GSR: variants seen among roughly 807,000 people sequenced by gnomAD.
The protein encoded by GSR is glutathione-disulfide reductase.
A neutral mutation model predicts 56.5 loss-of-function variants in GSR; 48 were observed. That is an observed-to-expected ratio of 0.85 (90% CI 0.67 to 1.08). The LOEUF is 1.08. Among genes scored for constraint, GSR ranks in the 50% least tolerant of loss-of-function variants. The pLI, the probability that GSR is intolerant of heterozygous loss-of-function variation, is 0.00. For missense variants in GSR, 694 were observed against 703.3 expected (o/e 0.99, Z 0.15); for synonymous variants, 264 against 270.8 (o/e 0.97, Z 0.25).
intron 8 of GSR, among the ~76,000 whole-genome samples, chr8:30,692,060 A>C (rs998106216): frequency 6.6e-6 from 1 of 151,402 alleles, no homozygotes; most frequent in Non-Finnish European, 1.5e-5. Context: ...CTGAGATTGC[A>C]CCAATGCACT....
At chr8:30,693,811 G>A (rs1005269936) in intron 7 of GSR, among the ~76,000 whole-genome samples, 2 of 152,278 alleles carry the variant, frequency 1.3e-5, no homozygotes, top group African/African-American at 4.8e-5. Flanking sequence ...TTATAGGTGT[G>A]AGCCACCATG....
intron 1 of GSR, among the ~76,000 whole-genome samples, chr8:30,717,847 T>G (rs1302043024): frequency 6.6e-6 from 1 of 152,096 alleles, no homozygotes; most frequent in African/African-American, 2.4e-5. Context: ...AAGCCTGTAA[T>G]TGCAGCACTT....
chr8:30,714,857 T>C (rs1036658828), intron 1 of GSR, among the ~76,000 whole-genome samples: 2 of 152,202 alleles, frequency 1.3e-5, no homozygotes, highest in African/African-American at 2.4e-5. Flanking sequence ...GAAAACAGTT[T>C]AATGATCACT....
chr8:30,699,348 T>C (rs999350974), intron 6 of GSR, among the ~76,000 whole-genome samples: 3 of 151,594 alleles, frequency 2.0e-5, no homozygotes, highest in African/African-American at 7.3e-5. Context: ...GTGGCTCACA[T>C]CTGTAATTCC....
chr8:30,700,724 A>AAAAAAAAAAAAAAAAAAAC (rs1803707353), intron 5 of GSR, among the ~76,000 whole-genome samples: 1 of 17,244 alleles, frequency 5.8e-5, no homozygotes, highest in Non-Finnish European at 1.2e-4. Flanking sequence ...TTTTGTCTCC[A>AAAAAAAAAAAAAAAAAAAC]AAAAAAAAAA....
intron 10 of GSR, among the ~76,000 whole-genome samples, chr8:30,682,289 A>C (rs1441969811): frequency 6.6e-6 from 1 of 152,188 alleles, no homozygotes; most frequent in East Asian, 1.9e-4. Flanking sequence ...TTACAGGTTG[A>C]GCATCCCTAA....
intron 1 of GSR, among the ~76,000 whole-genome samples, chr8:30,714,362 C>A (rs1405765101): frequency 6.6e-6 from 1 of 151,942 alleles, no homozygotes; most frequent in Non-Finnish European, 1.5e-5. Flanking sequence ...AGGCGTTCAC[C>A]GCCATGCCTG....
chr8:30,678,819 G>A lies in GSR; in HGVS notation c.*701C>T, dbSNP rs1455919838. On this transcript the variant is annotated 3_prime_UTR_variant, in exon 13 of 13. Coordinates refer to ENST00000221130, the MANE Select transcript of GSR (RefSeq NM_000637.5). ...AAAATATATAAAGGTTCTGTGCACT[G>A]GCACTGTTTACATGTGAAGAATTGC... 6.6e-6 allele frequency: 1 copy of A among 152,338 alleles called. No homozygotes were observed. The allele number at this position is 152,338 out of a possible 1,614,324, so 9.4% of individuals were successfully genotyped here.
intron 3 of GSR, among the ~76,000 whole-genome samples, chr8:30,708,608 C>A (rs1210658511): frequency 6.6e-6 from 1 of 152,164 alleles, no homozygotes; most frequent in Non-Finnish European, 1.5e-5. Flanking sequence ...GAAGCAGAGA[C>A]CTGAACAGAT....
chr8:30,696,362 G>C lies in GSR; in HGVS notation c.795+18C>G. ...AAATTAACATCAAGAAAAGCGAAAA[G>C]AAAAAGGTGGCATTTACCTTATCAT... On this transcript the variant is annotated intron_variant, in intron 7 of 12. Transcript: ENST00000221130. 1.4e-6 allele frequency: 2 copies of C among 1,474,050 alleles called. No individual in the cohort carries two copies. Among genetic ancestry groups the C allele is most frequent in the South Asian group, 2.3e-5 (2 of 88,328 alleles). 91.3% of individuals were successfully genotyped at this position (1,474,050 alleles called of 1,614,324 possible).
intron 6 of GSR, among the ~76,000 whole-genome samples, chr8:30,696,806 C>T (rs1031499361): frequency 6.6e-6 from 1 of 152,166 alleles, no homozygotes; most frequent in Non-Finnish European, 1.5e-5. Context: ...AGCCATCCTC[C>T]AGCCTCAGCC....
chr8:30,727,339 A>G (rs1178301076), intron 1 of GSR, among the ~76,000 whole-genome samples, 191 bp downstream of exon 1: 5 of 152,142 alleles, frequency 3.3e-5, no homozygotes, highest in Non-Finnish European at 5.9e-5. Flanking sequence ...TGCGGGCCGC[A>G]GAGAAGCCCC....
chr8:30,717,595 T>C (rs1006354838), intron 1 of GSR, among the ~76,000 whole-genome samples: 3 of 152,126 alleles, frequency 2.0e-5, no homozygotes, highest in Non-Finnish European at 4.4e-5. Context: ...TGAACCCTAT[T>C]GTGAACTGTG....
At chr8:30,712,141 A>C in intron 1 of GSR, 53 bp from the exon 2 acceptor site, 1 of 994,036 alleles carries the variant, frequency 1.0e-6, no homozygotes, top group Non-Finnish European at 1.6e-6. Context: ...CAAACCATCA[A>C]ACGAAATCTG....
Position 30,712,068 on chromosome 8 carries a change from G to T in GSR, c.327C>A (p.Pro109=), listed in dbSNP as rs1586062566. The change falls in exon 2 of 13, where the codon CCC becomes CCA. Residue 109 remains proline, a synonymous_variant. Transcript: ENST00000221130. ...GGTCVNVGCV[P]KKVMWNTAVH... is the part of the protein sequence containing the mutation. ...AGAGAAATAAAAATTCTACCTTTTTGGGTACACATCCAACATTCACCTGGA... is the reference window on the plus strand; with the variant it reads ...AGAGAAATAAAAATTCTACCTTTTTTGGTACACATCCAACATTCACCTGGA... 2.8e-6 allele frequency: 4 copies of T among 1,428,540 alleles called. No individual in the cohort carries two copies. Among genetic ancestry groups the T allele is most frequent in the African/African-American group, 2.8e-5 (2 of 70,248 alleles). The allele number at this position is 1,428,540 out of a possible 1,614,324, so 88.5% of individuals were successfully genotyped here.
In GSR at chr8:30,685,643, G is replaced by A. The variant is rs1322212455; in HGVS notation, c.1042-1444C>T. Among the ~76,000 whole-genome samples, 8 of 152,072 alleles carry A rather than the reference G, an allele frequency of 5.3e-5. 1 individual carries two copies. Among genetic ancestry groups the A allele is most frequent in the Admixed American group, 5.2e-4 (8 of 15,242 alleles). ...ATCCTAAGTATATATGAGAAGTAGAGATATGGCAGAAGTAGGAAGTAAGTA... is the reference window on the plus strand; with the variant it reads ...ATCCTAAGTATATATGAGAAGTAGAAATATGGCAGAAGTAGGAAGTAAGTA... On this transcript the variant is annotated intron_variant, in intron 9 of 12. Transcript: ENST00000221130.
intron 4 of GSR, among the ~76,000 whole-genome samples, chr8:30,703,648 G>A (rs1291536042): frequency 6.6e-6 from 1 of 151,976 alleles, no homozygotes; most frequent in African/African-American, 2.4e-5. Context: ...TTGAGGGGCT[G>A]AGGCAGGAGG....
intron 8 of GSR, among the ~76,000 whole-genome samples, chr8:30,692,495 CTTTTTTTT>C (rs71206280): frequency 4.1e-4 from 24 of 59,074 alleles, no homozygotes; most frequent in Non-Finnish European, 6.3e-4. Context: ...CACACCCAGA[CTTTTTTTT>C]TTTTTTTTTT....
In GSR at chr8:30,682,052, G is replaced by T; in HGVS notation, c.1163C>A (p.Ala388Asp). 6.2e-7 allele frequency: 1 copy of T among 1,612,636 alleles called. No homozygotes were observed. The highest frequency in any genetic ancestry group is 8.5e-7 in the Non-Finnish European group (1 of 1,178,660). ...TCGATGGGCAAGTTTTCGGCCAGCA[G>T]CTATTGCAACTATGGAGATATTTTA... ...GKALLTPVAI[A>D]AGRKLAHRLF... Residue 388 changes from alanine (A) to aspartate (D), a missense_variant, in exon 11 of 13, where the codon GCT becomes GAT. Physicochemically the swap from Ala to Asp is moderately radical, Grantham distance 126. Transcript: ENST00000221130.
Sources: gnomAD v4.1 joint callset for allele counts (sites outside exome capture counted in the v4.1 genomes callset) on GRCh38, gnomAD v4.1.1 for gene constraint, MANE v1.5 for transcripts, NCBI Gene and HGNC (gene_info 2026-07-23, HGNC 2026-07-21) for gene names.